The following ALMS1 variants were observed in gnomAD, a reference collection of about 807,000 sequenced individuals.
The protein encoded by ALMS1 is centrosome-associated protein ALMS1.
Under a neutral mutation model 352.2 loss-of-function variants are expected in ALMS1, and 271 were observed. That is an observed-to-expected ratio of 0.77 (90% CI 0.70 to 0.85). The LOEUF is 0.85. ALMS1 is among the 40% of genes least tolerant of loss of function. ALMS1 has a pLI of 0.00. For synonymous variants in ALMS1, 1,865 were observed against 1,761.2 expected (o/e 1.06, Z -1.48); for missense variants, 5,445 against 4,870.7 (o/e 1.12, Z -3.51).
intron 1 of ALMS1, among the ~76,000 whole-genome samples, chr2:73,406,991 A>G (rs983854640): frequency 1.3e-5 from 2 of 152,242 alleles, no homozygotes; most frequent in Non-Finnish European, 2.9e-5. Context: ...TATATTGTTT[A>G]ACCATTAACA....
chr2:73,515,369 G>A (rs544833179), intron 10 of ALMS1, among the ~76,000 whole-genome samples: 1 of 151,766 alleles, frequency 6.6e-6, no homozygotes, highest in Non-Finnish European at 1.5e-5. Context: ...GTGCTAACTA[G>A]TAGCTAAATC....
rs1572933458 is a variant in ALMS1 at position 73,449,616 on chromosome 2, C to G, written c.3089C>G (p.Ser1030Ter). Residue 1030 changes from serine (S) to a stop codon, truncating the protein, a stop_gained, in exon 8 of 23, where the codon TCA becomes TGA. Transcript: ENST00000613296. LOFTEE classifies it high-confidence loss of function. ...SYATEKALKVSTGPGPADQKT... is the reference protein window; with the variant it reads ...SYATEKALKV The stretch of plus-strand genomic sequence containing the variant: ...GCAACTGAAAAGGCTCTGAAAGTTT[C>G]AACTGGCCCTGGACCAGCTGACCAG... The G allele has an allele frequency of 6.2e-7, 1 of 1,614,084 alleles. No homozygotes were observed. Among genetic ancestry groups the G allele is most frequent in the South Asian group, 1.1e-5 (1 of 91,074 alleles).
chr2:73,586,656 A>T (rs534143489), intron 16 of ALMS1, among the ~76,000 whole-genome samples: 2 of 152,094 alleles, frequency 1.3e-5, no homozygotes, highest in Non-Finnish European at 2.9e-5. Context: ...ATACCCTTGT[A>T]GTATAGTTTG....
At chr2:73,391,809 T>G (rs935514390) in intron 1 of ALMS1, among the ~76,000 whole-genome samples, 2 of 152,164 alleles carry the variant, frequency 1.3e-5, no homozygotes, top group Non-Finnish European at 2.9e-5. Flanking sequence ...GGTACTTGGA[T>G]GATTTTTGTT....
chr2:73,573,487 C>T, intron 16 of ALMS1, 63 bp downstream of exon 16: 1 of 1,557,566 alleles, frequency 6.4e-7, no homozygotes, highest in Non-Finnish European at 8.8e-7. Context: ...TTTAGTTAAG[C>T]TTTGCACACA....
chr2:73,412,539 C>T (rs1671099734), intron 2 of ALMS1, among the ~76,000 whole-genome samples: 1 of 152,128 alleles, frequency 6.6e-6, no homozygotes, highest in Non-Finnish European at 1.5e-5. Flanking sequence ...CCTGTAATCC[C>T]AGCACTTTGG....
At chr2:73,487,740 G>T (rs1032800684) in intron 9 of ALMS1, among the ~76,000 whole-genome samples, 17 of 152,288 alleles carry the variant, frequency 1.1e-4, no homozygotes, top group Admixed American at 9.1e-4. Context: ...GAGTTTCATC[G>T]AGTGGCAGAA....
chr2:73,421,513 C>G (rs747794405), intron 3 of ALMS1, among the ~76,000 whole-genome samples: 1 of 152,074 alleles, frequency 6.6e-6, no homozygotes, highest in Non-Finnish European at 1.5e-5. Context: ...CCAATTGTTC[C>G]TTGGTGGCAA....
chr2:73,470,649 T>A (rs996733057), intron 9 of ALMS1: 4 of 151,900 alleles, frequency 2.6e-5, no homozygotes, highest in Admixed American at 2.0e-4. Flanking sequence ...ATTCTGCAAC[T>A]GTTAGGTGGA....
chr2:73,497,904 T>C (rs1673143122), intron 10 of ALMS1, among the ~76,000 whole-genome samples: 1 of 151,850 alleles, frequency 6.6e-6, no homozygotes, highest in South Asian at 2.1e-4. Context: ...CTTTGGTACA[T>C]CTTGTTTGGG....
chr2:73,398,281 T>C (rs962503305), intron 1 of ALMS1, among the ~76,000 whole-genome samples: 1 of 152,218 alleles, frequency 6.6e-6, no homozygotes, highest in Non-Finnish European at 1.5e-5. Flanking sequence ...GGTCAAAAAA[T>C]CAATTGAATA....
At position 73,490,458 on chromosome 2, in the gene ALMS1, C is replaced by G; in HGVS notation, c.8499C>G (p.Phe2833Leu). The G allele has an allele frequency of 6.2e-7, 1 of 1,614,162 alleles. No homozygotes were observed. The highest frequency in any genetic ancestry group is 8.5e-7 in the Non-Finnish European group (1 of 1,180,024). The change falls in exon 10 of 23, where the codon TTC becomes TTG. Residue 2833 changes from phenylalanine to leucine, a missense_variant. Transcript: ENST00000613296. ...EPSTRANCSN[F>L]KEIQISDNHT... ...GTACCAGGGCAAATTGTAGCAATTT[C>G]AAGGAAATTCAGATTTCTGATAACC... is the stretch of plus-strand genomic sequence containing the variant.
intron 10 of ALMS1, among the ~76,000 whole-genome samples, chr2:73,504,497 T>G (rs75359290): frequency 0.012 from 1,901 of 152,288 alleles, 46 homozygotes; most frequent in African/African-American, 0.043. Context: ...AGAAGTTATA[T>G]AGATGGAATC....
In ALMS1 at chr2:73,535,786, G is replaced by A. The variant is rs531560767; in HGVS notation, c.9907+837G>A. 1.2e-3 allele frequency among the ~76,000 whole-genome samples: 179 copies of A among 152,198 alleles called. 2 individuals are homozygous for A. Among genetic ancestry groups the A allele is most frequent in the Non-Finnish European group, 1.9e-3 (132 of 68,006 alleles). ...TGTGGTGTAGGGTTTTGATTGGTGG[G>A]ACAGTATTTTGAGTTGTCGACGGGA... On this transcript the variant is annotated intron_variant, in intron 12 of 22. Transcript: ENST00000613296.
intron 16 of ALMS1, among the ~76,000 whole-genome samples, chr2:73,589,894 C>T (rs1675388532): frequency 6.6e-6 from 1 of 152,170 alleles, no homozygotes; most frequent in Admixed American, 6.5e-5. Context: ...GGCTCGTATA[C>T]TTAATTTCCT....
chr2:73,607,739 G>T (rs1013360150), intron 21 of ALMS1, among the ~76,000 whole-genome samples: 2 of 151,606 alleles, frequency 1.3e-5, no homozygotes, highest in African/African-American at 4.9e-5. Context: ...TGCCACCCAG[G>T]TTCAAGCGAT....
chr2:73,422,925 G>A lies in ALMS1; in HGVS notation c.715G>A (p.Ala239Thr), dbSNP rs925748784. The A allele has an allele frequency of 1.2e-6, 2 of 1,613,646 alleles. No individual in the cohort carries two copies. The highest frequency in any genetic ancestry group is 8.5e-7 in the Non-Finnish European group (1 of 1,179,700). ...CTGTTTGACACAAGACCAAGAATTT[G>A]CGCCTGATTCTTTATTTCATCAAAG... The part of the protein sequence containing the change: ...LTCLTQDQEF[A>T]PDSLFHQSEL... The change falls in exon 4 of 23, where the codon GCG becomes ACG. Residue 239 changes from alanine (A) to threonine (T), a missense_variant. Ala to Thr is a moderately conservative substitution (Grantham distance 58). Transcript: ENST00000613296.
chr2:73,485,556 A>T (rs1182678761), intron 9 of ALMS1, among the ~76,000 whole-genome samples: 3 of 152,188 alleles, frequency 2.0e-5, no homozygotes, highest in Non-Finnish European at 4.4e-5. Flanking sequence ...CCAGAGATGT[A>T]GCCTACAGAG....
intron 12 of ALMS1, among the ~76,000 whole-genome samples, chr2:73,537,428 AAGTTGAC>A (rs1674053544): frequency 6.6e-6 from 1 of 152,148 alleles, no homozygotes; most frequent in Non-Finnish European, 1.5e-5. Context: ...GGCTAAGGTA[AAGTTGAC>A]AGCTGCCTAG....
Sources: allele counts gnomAD v4.1 joint callset (sites outside exome capture counted in the v4.1 genomes callset), GRCh38; gene constraint gnomAD v4.1.1; transcripts MANE v1.5; gene names NCBI Gene and HGNC (gene_info 2026-07-23, HGNC 2026-07-21).